Variants in CFAP107 observed in about 807,000 individuals in gnomAD.
The protein encoded by CFAP107 is cilia and flagella associated protein 107.
chr1:12,755,549 G>A, the CFAP107 span: 9 of 659,190 alleles, frequency 1.4e-5, no homozygotes, highest in Non-Finnish European at 2.5e-5. Context: ...CCGTCCCCGA[G>A]CAAGCTCTTT....
chr1:12,751,964 A>C, the CFAP107 span, among the ~76,000 whole-genome samples: 1 of 152,202 alleles, frequency 6.6e-6, no homozygotes, highest in African/African-American at 2.4e-5. Flanking sequence ...TGAATTAGTA[A>C]CCAAAAATCT....
chr1:12,760,000 A>G, the CFAP107 span, among the ~76,000 whole-genome samples: 2 of 152,212 alleles, frequency 1.3e-5, no homozygotes, highest in South Asian at 2.1e-4. Flanking sequence ...GAGGTGGTGA[A>G]TTTGTGAACC....
chr1:12,755,433 G>A, the CFAP107 span, among the ~76,000 whole-genome samples: 1 of 152,026 alleles, frequency 6.6e-6, no homozygotes, highest in East Asian at 1.9e-4. Context: ...GCAAAGAGGA[G>A]AGAAGAGCAG....
chr1:12,747,159 C>T, the CFAP107 span, among the ~76,000 whole-genome samples: 1 of 152,086 alleles, frequency 6.6e-6, no homozygotes, highest in East Asian at 1.9e-4. Flanking sequence ...CCTTCACCTC[C>T]CAGGCTCAAG....
At chr1:12,752,948 T>C in the CFAP107 span, among the ~76,000 whole-genome samples, 1 of 152,194 alleles carries the variant, frequency 6.6e-6, no homozygotes, top group Non-Finnish European at 1.5e-5. Context: ...GGCATGATTT[T>C]ATATACAGGA....
At chr1:12,752,857 C>G in the CFAP107 span, among the ~76,000 whole-genome samples, 1 of 152,084 alleles carries the variant, frequency 6.6e-6, no homozygotes, top group Middle Eastern at 3.4e-3. Context: ...GCTGGAAGTT[C>G]TAGCCAGAAA....
chr1:12,748,681 A>C, the CFAP107 span, among the ~76,000 whole-genome samples: 1 of 150,538 alleles, frequency 6.6e-6, no homozygotes, highest in African/African-American at 2.5e-5. Context: ...CAGACGTATG[A>C]AGATACAGAA....
the CFAP107 span, chr1:12,759,349 C>A: frequency 1.2e-6 from 2 of 1,614,100 alleles, no homozygotes; most frequent in Non-Finnish European, 1.7e-6. Flanking sequence ...CCACCAGGAG[C>A]CCCCACATCG....
chr1:12,755,935 A>T, the CFAP107 span: 1 of 653,028 alleles, frequency 1.5e-6, no homozygotes. Context: ...TCTCATTAAT[A>T]CCCTCCCAGC....
the CFAP107 span, among the ~76,000 whole-genome samples, chr1:12,751,973 C>T: frequency 6.6e-6 from 1 of 152,224 alleles, no homozygotes. Flanking sequence ...AACCAAAAAT[C>T]TCCCAACAAA....
the CFAP107 span, among the ~76,000 whole-genome samples, chr1:12,750,514 A>C: frequency 1.3e-5 from 2 of 152,342 alleles, no homozygotes; most frequent in South Asian, 4.1e-4. Flanking sequence ...TACACATGTA[A>C]GTTGAAAGTG....
the CFAP107 span, among the ~76,000 whole-genome samples, chr1:12,749,668 A>G: frequency 6.6e-6 from 1 of 152,128 alleles, no homozygotes; most frequent in Non-Finnish European, 1.5e-5. Flanking sequence ...CTCAGCAGAA[A>G]CCTTGGAGCC....
At chr1:12,759,539 G>A in the CFAP107 span, 2 of 1,601,804 alleles carry the variant, frequency 1.2e-6, no homozygotes, top group Non-Finnish European at 1.7e-6. Context: ...AAGTTGCACA[G>A]ACCAACGGAG....
At chr1:12,748,643 A>G in the CFAP107 span, among the ~76,000 whole-genome samples, 10,570 of 152,152 alleles carry the variant, frequency 0.069, 752 homozygotes, top group African/African-American at 0.19. Context: ...GCTGCTTTTC[A>G]AACGCCCAAT....
the CFAP107 span, among the ~76,000 whole-genome samples, chr1:12,751,451 A>G: frequency 6.6e-6 from 1 of 152,124 alleles, no homozygotes; most frequent in African/African-American, 2.4e-5. Flanking sequence ...ACATGGCGAA[A>G]TCCCGTCTCT....
At chr1:12,754,491 G>A in the CFAP107 span, among the ~76,000 whole-genome samples, 37 of 152,326 alleles carry the variant, frequency 2.4e-4, no homozygotes, top group South Asian at 6.8e-3. Flanking sequence ...ATATGATCCA[G>A]CAATTACACT....
At chr1:12,751,891 T>A in the CFAP107 span, among the ~76,000 whole-genome samples, 6 of 152,132 alleles carry the variant, frequency 3.9e-5, no homozygotes, top group Admixed American at 2.6e-4. Context: ...AAATATACAA[T>A]CTATCGAGAC....
the CFAP107 span, chr1:12,763,332 G>A: frequency 6.6e-6 from 1 of 152,294 alleles, no homozygotes; most frequent in Admixed American, 6.5e-5. Flanking sequence ...GGTTGGACAA[G>A]CTTGTGCGAA....
At chr1:12,747,655 A>G in the CFAP107 span, among the ~76,000 whole-genome samples, 4 of 152,330 alleles carry the variant, frequency 2.6e-5, no homozygotes, top group East Asian at 1.9e-4. Flanking sequence ...CCTGGAGAAC[A>G]TTAGTAATCA....
Sources: gnomAD v4.1 joint callset for allele counts (sites outside exome capture counted in the v4.1 genomes callset) on GRCh38, gnomAD v4.1.1 for gene constraint, MANE v1.5 for transcripts, NCBI Gene and HGNC (gene_info 2026-07-23, HGNC 2026-07-21) for gene names.